MARCHF10: variants seen among roughly 807,000 people sequenced by gnomAD.
The protein encoded by MARCHF10 is membrane associated ring-CH-type finger 10, also known as probable E3 ubiquitin-protein ligase MARCHF10.
In MARCHF10, 64 loss-of-function variants were observed where a neutral mutation model predicts 76.2. That is an observed-to-expected ratio of 0.84 (90% CI 0.69 to 1.03). MARCHF10 has a LOEUF of 1.03. Ranked by LOEUF, MARCHF10 falls within the 50% of genes least tolerant of loss-of-function variation. MARCHF10 has a pLI of 0.00. For synonymous variants in MARCHF10, 340 were observed against 357.5 expected, an observed-to-expected ratio of 0.95 and a Z score of 0.55; for missense variants, 875 against 958.0, an observed-to-expected ratio of 0.91 and a Z score of 1.14.
Position 62,712,644 on chromosome 17 carries a change from G to A in MARCHF10, c.2215-1300C>T, listed in dbSNP as rs949430623. Among the ~76,000 whole-genome samples, 3 of 152,216 alleles carry A rather than the reference G, an allele frequency of 2.0e-5. No homozygotes were observed. The highest frequency in any genetic ancestry group is 2.9e-5 in the Non-Finnish European group (2 of 68,050). ...AGGCCCCAGTCCTCTGTCCTTAGCA[G>A]TTAGCCTCCTATTTTTAGCCTTTGG... is the stretch of plus-strand genomic sequence containing the variant. On this transcript the variant is annotated intron_variant, in intron 8 of 10. Coordinates refer to ENST00000311269, the MANE Select transcript of MARCHF10 (RefSeq NM_152598.4). This position sits in a 1 kb window ranked among gnomAD's most constrained non-coding sequence, Gnocchi z 4.2.
At chr17:62,803,724 C>G (rs2093117560) in intron 1 of MARCHF10, among the ~76,000 whole-genome samples, 1 of 152,210 alleles carries the variant, frequency 6.6e-6, no homozygotes, top group African/African-American at 2.4e-5. Context: ...CCATATCGGC[C>G]AGACTGATCT....
chr17:62,775,512 G>A (rs916641972), intron 3 of MARCHF10, among the ~76,000 whole-genome samples: 1 of 151,826 alleles, frequency 6.6e-6, no homozygotes, highest in East Asian at 1.9e-4. Context: ...CCACTCGGGG[G>A]GGGGCGTGGC....
At chr17:62,746,265 G>C (rs868713866) in intron 4 of MARCHF10, among the ~76,000 whole-genome samples, 2 of 152,212 alleles carry the variant, frequency 1.3e-5, no homozygotes, top group Admixed American at 6.5e-5. Flanking sequence ...CTTACTAGAA[G>C]AGGGAAGCTG....
At chr17:62,771,476 G>A (rs146260272) in intron 3 of MARCHF10, among the ~76,000 whole-genome samples, 3 of 152,104 alleles carry the variant, frequency 2.0e-5, no homozygotes, top group African/African-American at 7.2e-5. Flanking sequence ...ATCTCGCAGG[G>A]CCTCGTTGGT....
chr17:62,793,076 TCAC>T (rs916845874), intron 2 of MARCHF10, among the ~76,000 whole-genome samples: 7 of 109,748 alleles, frequency 6.4e-5, no homozygotes, highest in East Asian at 3.3e-4. Flanking sequence ...AACACCTCCA[TCAC>T]CACCACCACC....
At chr17:62,760,671 C>A (rs2092176054) in intron 3 of MARCHF10, among the ~76,000 whole-genome samples, 1 of 152,238 alleles carries the variant, frequency 6.6e-6, no homozygotes, top group Non-Finnish European at 1.5e-5. Context: ...CTTGGCCACA[C>A]TTACACCCAC....
At chr17:62,702,266 G>C (rs528207540) in intron 10 of MARCHF10, among the ~76,000 whole-genome samples, 2 of 152,098 alleles carry the variant, frequency 1.3e-5, no homozygotes, top group Non-Finnish European at 2.9e-5. Flanking sequence ...GAGTTGGTGG[G>C]GGTGGGTGGT....
intron 6 of MARCHF10, among the ~76,000 whole-genome samples, chr17:62,733,683 A>G (rs948016322): frequency 1.3e-5 from 2 of 152,246 alleles, no homozygotes; most frequent in Non-Finnish European, 2.9e-5. Context: ...AAGGACACGA[A>G]TGTCCATTGA....
At position 62,801,715 on chromosome 17, in the gene MARCHF10, G is replaced by A. The variant is rs1171762071; in HGVS notation, c.21C>T (p.Asp7=). 1 of 1,614,126 alleles carries A rather than the reference G, an allele frequency of 6.2e-7. No individual in the cohort carries two copies. Among genetic ancestry groups the A allele is most frequent in the Non-Finnish European group, 8.5e-7 (1 of 1,180,004 alleles). The part of the protein sequence containing the change: MLHDAR[D]RQKFFSDVQY... ...GAACATCGCTGAAGAACTTCTGCCTGTCCCTTGCGTCATGCAACATGATTC... is the reference window on the plus strand; with the variant it reads ...GAACATCGCTGAAGAACTTCTGCCTATCCCTTGCGTCATGCAACATGATTC... Residue 7 remains aspartate, a synonymous_variant, in exon 2 of 11, where the codon GAC becomes GAT. Coordinates refer to ENST00000311269, the MANE Select transcript of MARCHF10 (RefSeq NM_152598.4).
intron 4 of MARCHF10, among the ~76,000 whole-genome samples, chr17:62,745,718 C>A (rs1370789064): frequency 6.6e-6 from 1 of 152,156 alleles, no homozygotes; most frequent in East Asian, 1.9e-4. Flanking sequence ...ACCTAGTTTC[C>A]AATGAACATT....
intron 3 of MARCHF10, among the ~76,000 whole-genome samples, chr17:62,762,474 T>C (rs1175682132): frequency 6.6e-6 from 1 of 152,210 alleles, no homozygotes; most frequent in Non-Finnish European, 1.5e-5. Context: ...CATTGAGAAA[T>C]CTTAAATAAA....
chr17:62,780,001 G>A (rs2092627107), intron 3 of MARCHF10, among the ~76,000 whole-genome samples: 1 of 152,186 alleles, frequency 6.6e-6, no homozygotes, highest in Admixed American at 6.5e-5. Flanking sequence ...GGAGGCTGAG[G>A]CAGGAGAATT....
In MARCHF10 at chr17:62,711,171, A is replaced by G; in HGVS notation, c.2328+60T>C. On this transcript the variant is annotated intron_variant, in intron 9 of 10. Transcript: ENST00000311269. The surrounding 1 kb of genome is among the most constrained non-coding windows in gnomAD (Gnocchi z 4.4). Reference sequence around the variant, plus strand: ...CCTCAACAGCTTGCACATCTAATAAACAGCACTGCAGGGTTTTCAGGGCTG... The same window carrying G: ...CCTCAACAGCTTGCACATCTAATAAGCAGCACTGCAGGGTTTTCAGGGCTG... The G allele has an allele frequency of 2.2e-6, 3 of 1,381,652 alleles. No individual in the cohort carries two copies. In the South Asian group the frequency reaches 3.5e-5, roughly 16 times the overall value. The allele number at this position is 1,381,652 out of a possible 1,614,324, so 85.6% of individuals were successfully genotyped here.
In MARCHF10 at chr17:62,737,222, CA is replaced by C. The variant is rs764650000; in HGVS notation, c.645del (p.Asp216IlefsTer33). 6.8e-6 allele frequency: 11 copies of C among 1,613,902 alleles called. No homozygotes were observed. Among genetic ancestry groups the C allele is most frequent in the Middle Eastern group, 1.6e-4 (1 of 6,080 alleles). The stretch of plus-strand genomic sequence containing the variant: ...CTCGGGTCTCCTTTTTTGGCTCTAT[CA>C]GGGGCGTTCTCAGTCATTGGCTGTG... ...PSSQPMTENA[P>X]DRAKKGDPSA... On this transcript the variant is annotated frameshift_variant, in exon 6 of 11. Transcript: ENST00000311269. LOFTEE classifies it high-confidence loss of function.
At chr17:62,781,788 T>C (rs890030108) in intron 3 of MARCHF10, among the ~76,000 whole-genome samples, 1 of 152,238 alleles carries the variant, frequency 6.6e-6, no homozygotes, top group East Asian at 1.9e-4. Flanking sequence ...ATTGTGACAA[T>C]TGGAGTCTGG....
In MARCHF10 at chr17:62,737,190, A is replaced by G. The variant is rs749742985; in HGVS notation, c.678T>C (p.Pro226=). ...GGGCTGGATGCAGCTCACTCTGGGA[A>G]GGAGCACTCGGGTCTCCTTTTTTGG... The part of the protein sequence containing the change: ...DRAKKGDPSA[P]SQSELHPALS... The change falls in exon 6 of 11, where the codon CCT becomes CCC. Residue 226 remains proline, a synonymous_variant. Transcript: ENST00000311269. 6.2e-7 allele frequency: 1 copy of G among 1,614,052 alleles called. No individual in the cohort carries two copies. Among genetic ancestry groups the G allele is most frequent in the South Asian group, 1.1e-5 (1 of 91,060 alleles).
intron 8 of MARCHF10, among the ~76,000 whole-genome samples, chr17:62,715,937 A>ACAGT (rs2090170837): frequency 6.6e-6 from 1 of 152,148 alleles, no homozygotes; most frequent in Admixed American, 6.5e-5. Context: ...AAGGCCACCG[A>ACAGT]CAGTGCTGAC....
At chr17:62,796,489 G>C (rs2092987705) in intron 2 of MARCHF10, among the ~76,000 whole-genome samples, 1 of 152,214 alleles carries the variant, frequency 6.6e-6, no homozygotes, top group South Asian at 2.1e-4. Flanking sequence ...TGTGGTAAGT[G>C]GTTTTGAAAA....
At chr17:62,718,246 A>G (rs1416473341) in intron 8 of MARCHF10, among the ~76,000 whole-genome samples, 1 of 152,128 alleles carries the variant, frequency 6.6e-6, no homozygotes, top group African/African-American at 2.4e-5. Flanking sequence ...CACTCTGGGG[A>G]AGAGAGTAGG....
Sources: allele counts gnomAD v4.1 joint callset (sites outside exome capture counted in the v4.1 genomes callset), GRCh38; gene constraint gnomAD v4.1.1; non-coding constraint Gnocchi (gnomAD v3.1); transcripts MANE v1.5; gene names NCBI Gene and HGNC (gene_info 2026-07-23, HGNC 2026-07-21).